Variants in SERAC1 observed in about 807,000 individuals in gnomAD.
SERAC1 encodes the protein serine active site containing 1, also known as protein SERAC1.
SERAC1 carries 36 observed loss-of-function variants against 85.7 expected under a neutral mutation model. That is an observed-to-expected ratio of 0.42 (90% CI 0.32 to 0.55). SERAC1 has a LOEUF of 0.55. SERAC1 is among the 20% of genes least tolerant of loss of function. The pLI is 0.11. For synonymous variants in SERAC1, 242 were observed against 265.3 expected (o/e 0.91, Z 0.85); for missense variants, 629 against 796.2 (o/e 0.79, Z 2.53).
intron 10 of SERAC1, among the ~76,000 whole-genome samples, chr6:158,122,771 C>T (rs9364805): frequency 0.31 from 46,564 of 152,000 alleles, 8,574 homozygotes; most frequent in Admixed American, 0.52. Context: ...CAGAGTGAGA[C>T]GCTGTCTCAA....
chr6:158,120,278 A>G lies in SERAC1; in HGVS notation c.1166+147T>C. ...GACAACCTCCAATTCTTTTGTGGTT[A>G]CTATAGACAAATTATTTTAGTAAAT... is the stretch of plus-strand genomic sequence containing the variant. On this transcript the variant is annotated intron_variant, in intron 11 of 16. Transcript: ENST00000647468. The surrounding 1 kb of genome is among the most constrained non-coding windows in gnomAD (Gnocchi z 4.4). The G allele has an allele frequency of 2.5e-6, 2 of 808,836 alleles. No individual in the cohort carries two copies. The highest frequency in any genetic ancestry group is 3.6e-6 in the Non-Finnish European group (2 of 552,266). 50.1% of individuals were successfully genotyped at this position (808,836 alleles called of 1,614,324 possible).
At chr6:158,126,848 C>T (rs1161079792) in intron 10 of SERAC1, among the ~76,000 whole-genome samples, 6 of 151,944 alleles carry the variant, frequency 3.9e-5, no homozygotes, top group Non-Finnish European at 7.4e-5. Flanking sequence ...TCCAGGAGTT[C>T]GAGACCAACC....
intron 3 of SERAC1, among the ~76,000 whole-genome samples, chr6:158,152,531 T>C (rs756129438): frequency 3.4e-5 from 5 of 148,666 alleles, no homozygotes; most frequent in African/African-American, 4.9e-5. Flanking sequence ...AAAAAAAAAG[T>C]GTAATGTAGC....
rs188251567 is a variant in SERAC1 at position 158,149,872 on chromosome 6, T to C, written c.265+581A>G. On this transcript the variant is annotated intron_variant, in intron 4 of 16. Coordinates refer to ENST00000647468, the MANE Select transcript of SERAC1 (RefSeq NM_032861.4). ...TGTGAGTCAAGTATGTGACTCACCA[T>C]GCTATCCATATGTTGAGGAAAATAT... Among the ~76,000 whole-genome samples the C allele has an allele frequency of 6.4e-3, 971 of 152,316 alleles. 11 individuals are homozygous for C. The highest frequency in any genetic ancestry group is 9.8e-3 in the Non-Finnish European group (668 of 68,034).
chr6:158,128,430 A>G (rs1784597119), intron 9 of SERAC1, among the ~76,000 whole-genome samples, 160 bp from the exon 10 acceptor site: 1 of 152,154 alleles, frequency 6.6e-6, no homozygotes, highest in Non-Finnish European at 1.5e-5. Flanking sequence ...AAATAAGCAA[A>G]TCCCTATTTA....
intron 3 of SERAC1, among the ~76,000 whole-genome samples, chr6:158,151,982 G>A (rs546621967): frequency 1.3e-5 from 2 of 152,238 alleles, no homozygotes; most frequent in African/African-American, 2.4e-5. Flanking sequence ...AAACTTCTGG[G>A]GTCATGTCAT....
intron 15 of SERAC1, 124 bp from the exon 16 acceptor site, chr6:158,113,716 A>G: frequency 1.1e-6 from 1 of 871,090 alleles, no homozygotes; most frequent in Non-Finnish European, 1.7e-6. Flanking sequence ...TTGAGTACAC[A>G]TGTTTATTTT....
intron 8 of SERAC1, among the ~76,000 whole-genome samples, chr6:158,139,069 G>C (rs1784859598): frequency 6.6e-6 from 1 of 151,920 alleles, no homozygotes; most frequent in South Asian, 2.1e-4. Context: ...CCCACAACTG[G>C]TTAATGTTTT....
chr6:158,158,096 AAGG>A (rs1353725601), intron 2 of SERAC1, among the ~76,000 whole-genome samples, 174 bp downstream of exon 2: 3 of 152,214 alleles, frequency 2.0e-5, no homozygotes, highest in African/African-American at 7.2e-5. Flanking sequence ...TCTCAAGAAA[AAGG>A]AGTATGTATG....
At position 158,143,114 on chromosome 6, in the gene SERAC1, A is replaced by G. The variant is rs1455059751; in HGVS notation, c.680T>C (p.Ile227Thr). ...AAGAGCCAAAGATGTAAAATACTGG[A>G]TACACTCATCTAGCTCTGTTTGAGG... is the stretch of plus-strand genomic sequence containing the variant. ...SLPQTELDEC[I>T]QYFTSLALSE... The change falls in exon 8 of 17, where the codon ATC (isoleucine) becomes ACC (threonine). Residue 227 changes from isoleucine (I) to threonine (T), a missense_variant. Transcript: ENST00000647468. 3 of 1,613,536 alleles carry G rather than the reference A, an allele frequency of 1.9e-6. No homozygotes were observed. The highest frequency in any genetic ancestry group is 2.2e-5 in the East Asian group (1 of 44,888).
chr6:158,138,985 G>A (rs968010740), intron 8 of SERAC1, among the ~76,000 whole-genome samples: 5 of 152,162 alleles, frequency 3.3e-5, no homozygotes, highest in African/African-American at 1.2e-4. Context: ...ACTGCTCACT[G>A]CAGCCTTGAA....
At chr6:158,149,927 A>G (rs937942477) in intron 4 of SERAC1, among the ~76,000 whole-genome samples, 1 of 152,212 alleles carries the variant, frequency 6.6e-6, no homozygotes, top group Non-Finnish European at 1.5e-5. Flanking sequence ...TCACGTTCCC[A>G]TGCAACCATA....
chr6:158,114,778 A>AAAAGT lies in SERAC1; in HGVS notation c.1684+6_1684+10dup. ...TATAACCCCAATTTCCTTTATGACA[A>AAAAGT]AAAGTATTACCCTTGCTGAGTTCTT... On this transcript the variant is annotated intron_variant, in intron 15 of 16. Transcript: ENST00000647468. The AAAAGT allele has an allele frequency of 6.2e-7, 1 of 1,609,150 alleles. No homozygotes were observed. The highest frequency in any genetic ancestry group is 8.5e-7 in the Non-Finnish European group (1 of 1,178,178).
chr6:158,123,216 G>A (rs1784460672), intron 10 of SERAC1, among the ~76,000 whole-genome samples: 1 of 152,174 alleles, frequency 6.6e-6, no homozygotes, highest in South Asian at 2.1e-4. Context: ...ATGTTATAGG[G>A]GATGCAGATT....
intron 13 of SERAC1, 31 bp from the exon 14 acceptor site, chr6:158,116,313 CAA>C: frequency 6.4e-7 from 1 of 1,562,502 alleles, no homozygotes; most frequent in Non-Finnish European, 8.8e-7. Flanking sequence ...AGGCATGACA[CAA>C]GGCTATCGAT....
intron 8 of SERAC1, among the ~76,000 whole-genome samples, chr6:158,134,550 T>C (rs901299777): frequency 2.6e-5 from 4 of 152,104 alleles, no homozygotes; most frequent in Non-Finnish European, 4.4e-5. Flanking sequence ...ATAAGGATAG[T>C]AAGAGATTAT....
intron 10 of SERAC1, among the ~76,000 whole-genome samples, chr6:158,121,875 C>T (rs1047967671): frequency 3.3e-5 from 5 of 152,094 alleles, no homozygotes; most frequent in East Asian, 1.9e-4. Context: ...TCACAATGTC[C>T]GAGATACTCC....
At chr6:158,121,787 C>T (rs978913557) in intron 10 of SERAC1, among the ~76,000 whole-genome samples, 4 of 152,084 alleles carry the variant, frequency 2.6e-5, no homozygotes, top group Middle Eastern at 3.4e-3. Flanking sequence ...TATGAAAATA[C>T]GGCTTTATTT....
In SERAC1 at chr6:158,120,188, C is replaced by T. The variant is rs1463355733; in HGVS notation, c.1166+237G>A. Among the ~76,000 whole-genome samples, 1 of 152,142 alleles carries T rather than the reference C, an allele frequency of 6.6e-6. No homozygotes were observed. The highest frequency in any genetic ancestry group is 1.5e-5 in the Non-Finnish European group (1 of 68,030). On this transcript the variant is annotated intron_variant, in intron 11 of 16. Transcript: ENST00000647468. The surrounding 1 kb of genome is among the most constrained non-coding windows in gnomAD (Gnocchi z 4.4). Reference sequence around the variant, plus strand: ...GACGCATTATCAAATGTGAATGCCACCTAACTGAAGGGAAGCCCTTTGTAA... The same window carrying T: ...GACGCATTATCAAATGTGAATGCCATCTAACTGAAGGGAAGCCCTTTGTAA...
Sources: allele counts gnomAD v4.1 joint callset (sites outside exome capture counted in the v4.1 genomes callset), GRCh38; gene constraint gnomAD v4.1.1; non-coding constraint Gnocchi (gnomAD v3.1); transcripts MANE v1.5; gene names NCBI Gene and HGNC (gene_info 2026-07-23, HGNC 2026-07-21).